ZBBX: variants seen among roughly 807,000 people sequenced by gnomAD.
ZBBX encodes the protein zinc finger B-box domain containing, also known as zinc finger B-box domain-containing protein 1.
Under a neutral mutation model 108.5 loss-of-function variants are expected in ZBBX, and 101 were observed. That is an observed-to-expected ratio of 0.93 (90% CI 0.79 to 1.10). The LOEUF (loss-of-function observed/expected upper bound fraction) is 1.10. Ranked by LOEUF, ZBBX falls within the 50% of genes least tolerant of loss-of-function variation. ZBBX has a pLI of 0.00. For synonymous variants in ZBBX, 356 were observed against 323.4 expected, an observed-to-expected ratio of 1.10 and a Z score of -1.08; for missense variants, 1,009 against 941.4, an observed-to-expected ratio of 1.07 and a Z score of -0.94.
intron 5 of ZBBX, among the ~76,000 whole-genome samples, chr3:167,367,165 G>A (rs1046070577): frequency 6.6e-6 from 1 of 151,812 alleles, no homozygotes; most frequent in Non-Finnish European, 1.5e-5. Context: ...GTGATATTTA[G>A]TACCAGCAAA....
chr3:167,291,626 A>G (rs1730706794), intron 18 of ZBBX, among the ~76,000 whole-genome samples: 1 of 152,178 alleles, frequency 6.6e-6, no homozygotes, highest in Admixed American at 6.5e-5. Flanking sequence ...GACCATTGAC[A>G]CTATGAAGAA....
chr3:167,223,642 C>T, the ZBBX span, among the ~76,000 whole-genome samples: 3 of 151,924 alleles, frequency 2.0e-5, no homozygotes, highest in East Asian at 1.9e-4. Context: ...TCTCTGCTGT[C>T]GGAAGTATGA....
intron 21 of ZBBX, 50 bp from the exon 22 acceptor site, chr3:167,240,969 A>G: frequency 6.3e-7 from 1 of 1,592,990 alleles, no homozygotes; most frequent in Non-Finnish European, 8.5e-7. Context: ...CCGGGTTTCA[A>G]CTCTTCATTT....
chr3:167,244,972 A>G (rs1467043299), intron 20 of ZBBX, among the ~76,000 whole-genome samples: 3 of 152,212 alleles, frequency 2.0e-5, no homozygotes, highest in Admixed American at 6.5e-5. Flanking sequence ...TAGATAAATA[A>G]GCACTTACAT....
At position 167,322,221 on chromosome 3, in the gene ZBBX, G is replaced by T. The variant is rs766281414; in HGVS notation, c.879C>A (p.Cys293Ter). The T allele has an allele frequency of 1.4e-6, 2 of 1,463,954 alleles. No homozygotes were observed. Among genetic ancestry groups the T allele is most frequent in the Non-Finnish European group, 1.8e-6 (2 of 1,106,948 alleles). 90.7% of individuals were successfully genotyped at this position (1,463,954 alleles called of 1,614,324 possible). A position where few individuals can be genotyped will look rare whatever the true frequency, so the allele number is the denominator to read the frequency against. The stretch of plus-strand genomic sequence containing the variant: ...AAATTTTCAGATTAGTCTGTACTTC[G>T]CATTCTTCCAATGAGTCTGTAAAAA... Reference protein sequence around the residue: ...HAAVKDSLEECEVQTNLKIWR... With the variant: ...HAAVKDSLEE The change falls in exon 12 of 22, where the codon TGC becomes TGA. Residue 293 changes from cysteine to a stop codon, truncating the protein, a stop_gained. Coordinates refer to ENST00000675490, the MANE Select transcript of ZBBX (RefSeq NM_001199201.2). LOFTEE classifies it high-confidence loss of function.
intron 1 of ZBBX, among the ~76,000 whole-genome samples, chr3:167,389,386 C>T (rs889245953): frequency 6.6e-6 from 1 of 152,128 alleles, no homozygotes; most frequent in South Asian, 2.1e-4. Context: ...CACTGATGGG[C>T]ATTTGGGTTG....
chr3:167,334,072 A>G (rs1408702628), intron 9 of ZBBX, 87 bp from the exon 10 acceptor site: 13 of 871,466 alleles, frequency 1.5e-5, no homozygotes, highest in Non-Finnish European at 2.1e-5. Context: ...GTGTTATTCT[A>G]TGACTCCCAG....
chr3:167,340,686 C>T (rs1024228488), intron 9 of ZBBX, among the ~76,000 whole-genome samples: 1 of 151,622 alleles, frequency 6.6e-6, no homozygotes, highest in African/African-American at 2.4e-5. Context: ...TTTTCATCTA[C>T]TGTTAGAATC....
intron 20 of ZBBX, among the ~76,000 whole-genome samples, chr3:167,281,110 G>C (rs572774356): frequency 1.3e-5 from 2 of 152,280 alleles, no homozygotes; most frequent in South Asian, 4.1e-4. Flanking sequence ...GTTGTGGGGT[G>C]GGGGTAGGGG....
At chr3:167,305,207 C>T (rs1458571084) in intron 17 of ZBBX, among the ~76,000 whole-genome samples, 1 of 152,096 alleles carries the variant, frequency 6.6e-6, no homozygotes, top group Non-Finnish European at 1.5e-5. Context: ...GAAAGAATTA[C>T]CTTCTTCATC....
chr3:167,282,631 T>C (rs941244341), intron 19 of ZBBX, 136 bp from the exon 20 acceptor site: 5 of 689,448 alleles, frequency 7.3e-6, no homozygotes, highest in Admixed American at 6.1e-5. Flanking sequence ...TAACTTTGAC[T>C]ATCACCCTTT....
In ZBBX at chr3:167,365,922, T is replaced by C. The variant is rs756560171; in HGVS notation, c.237A>G (p.Ser79=). 1.9e-6 allele frequency: 3 copies of C among 1,609,676 alleles called. No individual in the cohort carries two copies. Among genetic ancestry groups the C allele is most frequent in the East Asian group, 2.2e-5 (1 of 44,610 alleles). The change falls in exon 6 of 22, where the codon TCA becomes TCG. Residue 79 remains serine, a synonymous_variant. Transcript: ENST00000675490. The stretch of plus-strand genomic sequence containing the variant: ...TTCCTTTATTTTGTGACATCATATA[T>C]GATTGATTGACCAATTTGCCCACTT... ...SGKVGKLVNQ[S]YMMSQNKGNV... is the part of the protein sequence containing the mutation.
the ZBBX span, among the ~76,000 whole-genome samples, chr3:167,188,680 TTTTA>T: frequency 2.6e-5 from 4 of 152,198 alleles, no homozygotes; most frequent in African/African-American, 9.7e-5. Flanking sequence ...ACCTGATAAC[TTTTA>T]TTTGTCATTT....
At chr3:167,309,750 G>C (rs1734267982) in intron 16 of ZBBX, among the ~76,000 whole-genome samples, 1 of 152,216 alleles carries the variant, frequency 6.6e-6, no homozygotes, top group African/African-American at 2.4e-5. Context: ...GGGAGGGGAT[G>C]CTGTGAGGAT....
At chr3:167,283,787 C>G (rs1017911512) in intron 19 of ZBBX, among the ~76,000 whole-genome samples, 1 of 152,040 alleles carries the variant, frequency 6.6e-6, no homozygotes, top group African/African-American at 2.4e-5. Flanking sequence ...GGATTACAGG[C>G]GCGTGCCACC....
chr3:167,358,588 C>T (rs1019856109), intron 8 of ZBBX, among the ~76,000 whole-genome samples: 1 of 152,008 alleles, frequency 6.6e-6, no homozygotes, highest in Non-Finnish European at 1.5e-5. Context: ...AGTTAAAGAG[C>T]AGTCAGAAGT....
At chr3:167,345,154 T>C (rs1267512332) in intron 9 of ZBBX, among the ~76,000 whole-genome samples, 1 of 151,882 alleles carries the variant, frequency 6.6e-6, no homozygotes, top group Non-Finnish European at 1.5e-5. Context: ...TAAGGACTCA[T>C]TCACATTTCT....
chr3:167,402,633 A>G (rs1163647192), intron 1 of ZBBX, among the ~76,000 whole-genome samples: 2 of 152,186 alleles, frequency 1.3e-5, no homozygotes, highest in Admixed American at 1.3e-4. Context: ...CAGATGATCC[A>G]GATACTGGAA....
At chr3:167,365,418 A>G (rs1329103258) in intron 6 of ZBBX, among the ~76,000 whole-genome samples, 2 of 151,740 alleles carry the variant, frequency 1.3e-5, no homozygotes, top group African/African-American at 4.8e-5. Context: ...GGGAAACTGA[A>G]AAGTATTTTT....
Sources: allele counts gnomAD v4.1 joint callset (sites outside exome capture counted in the v4.1 genomes callset), GRCh38; gene constraint gnomAD v4.1.1; transcripts MANE v1.5; gene names NCBI Gene and HGNC (gene_info 2026-07-23, HGNC 2026-07-21).